The following MORC3 variants were observed in gnomAD, a reference collection of about 807,000 sequenced individuals.
MORC3 encodes the protein MORC family CW-type zinc finger protein 3.
MORC3 carries 31 observed loss-of-function variants against 109.1 expected under a neutral mutation model. That is an observed-to-expected ratio of 0.28 (90% CI 0.21 to 0.38). The LOEUF (loss-of-function observed/expected upper bound fraction) is 0.38, where lower values mean the gene tolerates loss of function less well. Ranked by LOEUF, MORC3 falls within the 10% of genes least tolerant of loss-of-function variation. The probability of loss-of-function intolerance (pLI) is 1.00; values close to 1 mark genes in which losing one functional copy is unlikely to be tolerated. For synonymous variants in MORC3, 395 were observed against 380.7 expected, an observed-to-expected ratio of 1.04 and a Z score of -0.44; for missense variants, 867 against 1,135.8, an observed-to-expected ratio of 0.76 and a Z score of 3.40.
At chr21:36,333,775 T>C (rs1319885488) in intron 2 of MORC3, 57 bp downstream of exon 2, 2 of 1,314,726 alleles carry the variant, frequency 1.5e-6, no homozygotes, top group Non-Finnish European at 2.1e-6. Flanking sequence ...GTGTTTTTTT[T>C]TTTGTTTTGT....
intron 8 of MORC3, among the ~76,000 whole-genome samples, chr21:36,348,806 T>G (rs2085540960): frequency 6.6e-6 from 1 of 152,220 alleles, no homozygotes; most frequent in African/African-American, 2.4e-5. Flanking sequence ...GGCTCTAGTG[T>G]ATTTAGAAAT....
chr21:36,322,532 C>T (rs905496116), intron 1 of MORC3, among the ~76,000 whole-genome samples: 2 of 152,078 alleles, frequency 1.3e-5, no homozygotes, highest in Non-Finnish European at 2.9e-5. Flanking sequence ...CCACCACACC[C>T]GGCTAATTTT....
At position 36,320,239 on chromosome 21, in the gene MORC3, G is replaced by A. The variant is rs775924313; in HGVS notation, c.-26G>A. 1.1e-5 allele frequency: 17 copies of A among 1,575,904 alleles called. No individual in the cohort carries two copies. Among genetic ancestry groups the A allele is most frequent in the Non-Finnish European group, 1.5e-5 (17 of 1,161,966 alleles). The stretch of plus-strand genomic sequence containing the variant: ...TCCCAGTCGGGTTGCGGCGGAGGCC[G>A]TTCCTGGCTTTGTAGCTCGCTCAAG... On this transcript the variant is annotated 5_prime_UTR_variant, in exon 1 of 17. Coordinates refer to ENST00000400485, the MANE Select transcript of MORC3 (RefSeq NM_015358.3).
At chr21:36,366,269 T>A (rs568186294) in intron 14 of MORC3, among the ~76,000 whole-genome samples, 1 of 152,172 alleles carries the variant, frequency 6.6e-6, no homozygotes, top group Admixed American at 6.5e-5. Flanking sequence ...CTCCCACTTA[T>A]AAGTGAGAAC....
rs139406860 is a variant in MORC3, at chr21:36,357,411, T to C, written c.1208+687T>C. ...GTGTATAGACTTCCCATCGTACTTTTCAATTTTTTTATATTTAAAAAAAGT... is the reference window on the plus strand; with the variant it reads ...GTGTATAGACTTCCCATCGTACTTTCCAATTTTTTTATATTTAAAAAAAGT... On this transcript the variant is annotated intron_variant, in intron 10 of 16. Transcript: ENST00000400485. Among the ~76,000 whole-genome samples the C allele has an allele frequency of 5.7e-3, 861 of 152,244 alleles. 32 individuals carry two copies. The highest frequency in any genetic ancestry group is 0.051 in the Admixed American group (771 of 15,256).
chr21:36,363,951 TG>T, intron 13 of MORC3, 141 bp from the exon 14 acceptor site: 1 of 851,712 alleles, frequency 1.2e-6, no homozygotes, highest in East Asian at 2.7e-5. Context: ...TGTTGATTCC[TG>T]GTATAGCACA....
At chr21:36,372,661 GGT>G in intron 16 of MORC3, 130 bp downstream of exon 16, 2 of 915,346 alleles carry the variant, frequency 2.2e-6, no homozygotes, top group South Asian at 6.2e-5. Context: ...CTGTGACCCT[GGT>G]GTTATGATAG....
At chr21:36,374,806 A>C (rs953280959) in intron 16 of MORC3, among the ~76,000 whole-genome samples, 4 of 151,890 alleles carry the variant, frequency 2.6e-5, no homozygotes, top group African/African-American at 9.7e-5. Context: ...TGAGAAGCTG[A>C]GACTACAGGT....
intron 1 of MORC3, among the ~76,000 whole-genome samples, chr21:36,327,197 C>G (rs1284610840): frequency 7.6e-6 from 1 of 132,416 alleles, no homozygotes; most frequent in East Asian, 2.3e-4. Flanking sequence ...CAGACACTCC[C>G]AGGCTGGAGT....
At chr21:36,338,266 A>G (rs117631332) in intron 4 of MORC3, among the ~76,000 whole-genome samples, 3,985 of 152,356 alleles carry the variant, frequency 0.026, 71 homozygotes, top group Admixed American at 0.046. Context: ...AAGGCAGGAT[A>G]ACTTTAGGAA....
chr21:36,372,304 C>G, intron 15 of MORC3, 70 bp from the exon 16 acceptor site: 1 of 1,371,722 alleles, frequency 7.3e-7, no homozygotes, highest in Non-Finnish European at 9.7e-7. Context: ...TCTATATTAG[C>G]TTGAAATTTC....
chr21:36,359,890 A>G, intron 10 of MORC3, 65 bp from the exon 11 acceptor site: 2 of 1,573,492 alleles, frequency 1.3e-6, no homozygotes, highest in South Asian at 1.1e-5. Flanking sequence ...AATGATGTGG[A>G]ACATCTGATG....
rs570883109 is a variant in MORC3, at chr21:36,334,172, G to T, written c.112+454G>T. Among the ~76,000 whole-genome samples, 4 of 152,136 alleles carry T rather than the reference G, an allele frequency of 2.6e-5. No individual in the cohort carries two copies. In the South Asian group the frequency reaches 8.3e-4, roughly 32 times the overall value. On this transcript the variant is annotated intron_variant, in intron 2 of 16. Coordinates refer to ENST00000400485, the MANE Select transcript of MORC3 (RefSeq NM_015358.3). ...CAGGAGGCTGAGGTGGGAGGATCAC[G>T]TGAGACCGGGAAGTTGAGGCTGCAA... is the stretch of plus-strand genomic sequence containing the variant.
intron 10 of MORC3, among the ~76,000 whole-genome samples, chr21:36,358,233 A>C (rs559925678): frequency 6.6e-6 from 1 of 151,934 alleles, no homozygotes; most frequent in South Asian, 2.1e-4. Context: ...GAAAATACAA[A>C]AAGTAGCCAG....
chr21:36,351,732 G>A (rs1447882042), intron 9 of MORC3, among the ~76,000 whole-genome samples: 1 of 152,234 alleles, frequency 6.6e-6, no homozygotes, highest in African/African-American at 2.4e-5. Context: ...TACACTATTA[G>A]TGGGAAAGTA....
chr21:36,321,348 GGTTTTTTGTTTT>G (rs1377194755), intron 1 of MORC3, among the ~76,000 whole-genome samples: 1 of 151,792 alleles, frequency 6.6e-6, no homozygotes, highest in Non-Finnish European at 1.5e-5. Flanking sequence ...TAGTCTTTGT[GGTTTTTTGTTTT>G]GTTTTTTTGA....
Position 36,320,220 on chromosome 21 carries a change from T to G in MORC3, c.-45T>G, listed in dbSNP as rs745546248. On this transcript the variant is annotated 5_prime_UTR_variant, in exon 1 of 17. Transcript: ENST00000400485. Reference sequence around the variant, plus strand: ...CCACAGTCGTTCCGCCACCTCCCAGTCGGGTTGCGGCGGAGGCCGTTCCTG... The same window carrying G: ...CCACAGTCGTTCCGCCACCTCCCAGGCGGGTTGCGGCGGAGGCCGTTCCTG... The G allele has an allele frequency of 1.8e-4, 287 of 1,560,264 alleles. No homozygotes were observed. Among genetic ancestry groups the G allele is most frequent in the Non-Finnish European group, 2.3e-4 (269 of 1,151,900 alleles).
At chr21:36,357,794 G>A (rs2085662371) in intron 10 of MORC3, among the ~76,000 whole-genome samples, 1 of 145,924 alleles carries the variant, frequency 6.9e-6, no homozygotes, top group Non-Finnish European at 1.5e-5. Context: ...AGGCTGAAGT[G>A]CAGTGGCGCA....
chr21:36,372,134 C>T (rs1486624809), intron 15 of MORC3, among the ~76,000 whole-genome samples: 1 of 152,026 alleles, frequency 6.6e-6, no homozygotes, highest in African/African-American at 2.4e-5. Context: ...TTCTAGGTAC[C>T]ACTTTTTTTT....
Sources: allele counts gnomAD v4.1 joint callset (sites outside exome capture counted in the v4.1 genomes callset), GRCh38; gene constraint gnomAD v4.1.1; transcripts MANE v1.5; gene names NCBI Gene and HGNC (gene_info 2026-07-23, HGNC 2026-07-21).